PTPRT: variants seen among roughly 807,000 people sequenced by gnomAD.
PTPRT encodes the protein receptor-type tyrosine-protein phosphatase T.
In PTPRT, 56 loss-of-function variants were observed where a neutral mutation model predicts 176.8. The ratio of observed to expected loss-of-function variants is 0.32; its 90% CI spans 0.26 to 0.40. PTPRT has a LOEUF of 0.40. Ranked by LOEUF, PTPRT falls within the 10% of genes least tolerant of loss-of-function variation. The pLI is 1.00. For synonymous variants in PTPRT, 783 were observed against 739.0 expected, an observed-to-expected ratio of 1.06 and a Z score of -0.96; for missense variants, 1,540 against 1,908.2, an observed-to-expected ratio of 0.81 and a Z score of 3.60.
chr20:42,142,072 C>G, intron 17 of PTPRT, 70 bp from the exon 18 acceptor site: 1 of 1,354,000 alleles, frequency 7.4e-7, no homozygotes, highest in Non-Finnish European at 1.1e-6. Context: ...GATGAACCAA[C>G]AGGGCAAAGT....
At chr20:42,846,619 G>C (rs576061712) in intron 2 of PTPRT, among the ~76,000 whole-genome samples, 1 of 152,330 alleles carries the variant, frequency 6.6e-6, no homozygotes, top group African/African-American at 2.4e-5. Context: ...CACCATAGGG[G>C]ATAAAGTTTT....
At position 42,617,333 on chromosome 20, in the gene PTPRT, C is replaced by T. The variant is rs113051600; in HGVS notation, c.1153+60533G>A. ...AAGCTTTTTGATGTGCTGCTGGATT[C>T]GGTTTGCCAGTATTTTATTGAGGAT... On this transcript the variant is annotated intron_variant, in intron 7 of 30. Transcript: ENST00000373187. Among the ~76,000 whole-genome samples, 69 of 136,576 alleles carry T rather than the reference C, an allele frequency of 5.1e-4. 10 individuals carry two copies. The highest frequency in any genetic ancestry group is 9.1e-4 in the South Asian group (4 of 4,394). 89.6% of individuals were successfully genotyped at this position (136,576 alleles called of 152,430 possible).
At chr20:42,407,816 G>T (rs889991147) in intron 9 of PTPRT, among the ~76,000 whole-genome samples, 1 of 151,890 alleles carries the variant, frequency 6.6e-6, no homozygotes, top group African/African-American at 2.4e-5. Flanking sequence ...CTGATAATTT[G>T]GCTAGAATCT....
intron 7 of PTPRT, among the ~76,000 whole-genome samples, chr20:42,603,861 A>T (rs2073826894): frequency 6.6e-6 from 1 of 152,098 alleles, no homozygotes; most frequent in Non-Finnish European, 1.5e-5. Flanking sequence ...CTCTCCACCC[A>T]CCTTCCAGAC....
chr20:42,300,875 G>A (rs1363374312), intron 12 of PTPRT, among the ~76,000 whole-genome samples: 2 of 145,962 alleles, frequency 1.4e-5, no homozygotes, highest in African/African-American at 2.6e-5. Context: ...ACCAAACACC[G>A]CATATTCTCA....
intron 9 of PTPRT, among the ~76,000 whole-genome samples, chr20:42,434,806 T>A (rs9753670): frequency 6.7e-6 from 1 of 149,190 alleles, no homozygotes; most frequent in African/African-American, 2.5e-5. Context: ...TATTAAAAAT[T>A]AAAAAAAAAA....
intron 16 of PTPRT, among the ~76,000 whole-genome samples, chr20:42,179,975 C>A (rs1209905149): frequency 6.6e-6 from 1 of 152,180 alleles, no homozygotes; most frequent in Non-Finnish European, 1.5e-5. Flanking sequence ...TCAGGGTCAG[C>A]ACCAAGGACA....
At chr20:42,630,183 A>T (rs1204145351) in intron 7 of PTPRT, among the ~76,000 whole-genome samples, 2 of 152,094 alleles carry the variant, frequency 1.3e-5, no homozygotes, top group Non-Finnish European at 2.9e-5. Context: ...TTGAAGATAG[A>T]GGAAGGGGCC....
intron 6 of PTPRT, among the ~76,000 whole-genome samples, chr20:42,725,190 G>C (rs751792019): frequency 1.3e-4 from 20 of 151,846 alleles, no homozygotes; most frequent in Non-Finnish European, 2.8e-4. Flanking sequence ...ACCACGCCCG[G>C]CTAATTTTGT....
intron 1 of PTPRT, among the ~76,000 whole-genome samples, chr20:43,168,954 C>T (rs528498242): frequency 2.0e-5 from 3 of 152,312 alleles, no homozygotes; most frequent in Admixed American, 1.3e-4. Flanking sequence ...CCACAGCAGA[C>T]ATGTGAACAG....
At chr20:43,103,766 T>TAATAATAATAAA (rs2012488400) in intron 1 of PTPRT, among the ~76,000 whole-genome samples, 3 of 150,256 alleles carry the variant, frequency 2.0e-5, no homozygotes, top group Non-Finnish European at 3.0e-5. Flanking sequence ...ATAATAATAA[T>TAATAATAATAAA]AATAATAATA....
chr20:42,072,725 C>T (rs116436315), downstream of PTPRT: 1,095 of 197,810 alleles, frequency 5.5e-3, 17 homozygotes, highest in African/African-American at 0.024. Context: ...TCATCCCTAC[C>T]CAACCTCAGG....
At chr20:42,800,571 C>A (rs2077516352) in intron 2 of PTPRT, among the ~76,000 whole-genome samples, 1 of 152,112 alleles carries the variant, frequency 6.6e-6, no homozygotes, top group East Asian at 1.9e-4. Context: ...ATTTTTAAAT[C>A]TCCAAACTCT....
chr20:42,707,901 C>T (rs1436040081), intron 6 of PTPRT, among the ~76,000 whole-genome samples: 6 of 152,172 alleles, frequency 3.9e-5, no homozygotes, highest in Admixed American at 2.6e-4. Flanking sequence ...GAGATTCCAA[C>T]CATGCTATGC....
chr20:42,491,052 G>T (rs1008246762), intron 7 of PTPRT, among the ~76,000 whole-genome samples: 2 of 151,762 alleles, frequency 1.3e-5, no homozygotes, highest in Non-Finnish European at 2.9e-5. Flanking sequence ...TTATTCTTTA[G>T]CATATTTAAA....
intron 1 of PTPRT, among the ~76,000 whole-genome samples, chr20:43,007,180 C>A (rs1984897127): frequency 6.6e-6 from 1 of 152,190 alleles, no homozygotes; most frequent in South Asian, 2.1e-4. Context: ...AAGTACCCAG[C>A]AGAGCAAAAG....
At chr20:42,769,414 A>G (rs546042882) in intron 5 of PTPRT, among the ~76,000 whole-genome samples, 16 of 152,356 alleles carry the variant, frequency 1.1e-4, no homozygotes, top group African/African-American at 3.4e-4. Flanking sequence ...AATTAAAACT[A>G]TAACGTGCTC....
intron 6 of PTPRT, among the ~76,000 whole-genome samples, chr20:42,695,673 T>C (rs1294787304): frequency 6.6e-6 from 1 of 152,206 alleles, no homozygotes; most frequent in Non-Finnish European, 1.5e-5. Flanking sequence ...AGTCTCTTCA[T>C]TGAACTTAAC....
intron 6 of PTPRT, among the ~76,000 whole-genome samples, chr20:42,707,373 C>G (rs1022118163): frequency 1.3e-5 from 2 of 152,154 alleles, no homozygotes; most frequent in Non-Finnish European, 1.5e-5. Context: ...GGTTATGTTA[C>G]ATGGCACCCT....
Sources: allele counts gnomAD v4.1 joint callset (sites outside exome capture counted in the v4.1 genomes callset), GRCh38; gene constraint gnomAD v4.1.1; transcripts MANE v1.5; gene names NCBI Gene and HGNC (gene_info 2026-07-23, HGNC 2026-07-21).